The following ATPAF2 variants were observed in gnomAD, a reference collection of about 807,000 sequenced individuals.
The protein encoded by ATPAF2 is ATP12 homolog.
Under a neutral mutation model 36.6 loss-of-function variants are expected in ATPAF2, and 30 were observed. That is an observed-to-expected ratio of 0.82 (90% CI 0.61 to 1.11). ATPAF2 has a LOEUF of 1.11. Among genes scored for constraint, ATPAF2 ranks in the 50% most tolerant of loss-of-function variants. The pLI is 0.00. For missense variants in ATPAF2, 321 were observed against 372.3 expected (o/e 0.86, Z 1.13); for synonymous variants, 140 against 152.6 (o/e 0.92, Z 0.61).
intron 7 of ATPAF2, 138 bp downstream of exon 7, chr17:18,020,985 C>T: frequency 6.9e-7 from 1 of 1,457,274 alleles, no homozygotes; most frequent in Middle Eastern, 2.1e-4. Context: ...TCTGCTGGTC[C>T]TTGATTTTGA....
At chr17:18,027,144 C>G (rs1035444647) in intron 3 of ATPAF2, among the ~76,000 whole-genome samples, 1 of 151,856 alleles carries the variant, frequency 6.6e-6, no homozygotes, top group Non-Finnish European at 1.5e-5. Flanking sequence ...TCGCTTGAAC[C>G]CAGGAGGCAG....
rs781351619 is a variant in ATPAF2, at chr17:18,021,247, A to C, written c.617-9T>G. On this transcript the variant is annotated splice_polypyrimidine_tract_variant and intron_variant, in intron 6 of 7. Coordinates refer to ENST00000474627, the MANE Select transcript of ATPAF2 (RefSeq NM_145691.4). Reference sequence around the variant, plus strand: ...AGCTACAAACTCAATCCCTGCAGGGACACAAGCCAAGTCAGAACCCAAAAC... The same window carrying C: ...AGCTACAAACTCAATCCCTGCAGGGCCACAAGCCAAGTCAGAACCCAAAAC... The C allele has an allele frequency of 3.1e-6, 5 of 1,607,474 alleles. No individual in the cohort carries two copies. The South Asian group carries it at 5.5e-5, about 18-fold the overall frequency.
intron 3 of ATPAF2, 116 bp downstream of exon 3, chr17:18,028,116 G>A: frequency 7.9e-7 from 1 of 1,266,860 alleles, no homozygotes. Flanking sequence ...TGAATCCCTG[G>A]GGGCCAGACA....
In ATPAF2 at chr17:18,028,306, C is replaced by T. The variant is rs373144265; in HGVS notation, c.250G>A (p.Glu84Lys). Residue 84 changes from glutamate to lysine, a missense_variant, in exon 3 of 8, where the codon GAG becomes AAG. By Grantham distance (56) the Glu-to-Lys change is moderately conservative. Coordinates refer to ENST00000474627, the MANE Select transcript of ATPAF2 (RefSeq NM_145691.4). ...GTAGCCACTGCAATGGCCAGGGCCT[C>T]GCTGGGGACGGTAAAGAGCTTGGCT... The part of the protein sequence containing the change: ...PQAKLFTVPS[E>K]ALAIAVATEW... The T allele has an allele frequency of 6.8e-5, 110 of 1,614,038 alleles. No individual in the cohort carries two copies. Among genetic ancestry groups the T allele is most frequent in the Non-Finnish European group, 8.5e-5 (100 of 1,180,028 alleles).
At chr17:18,015,610 G>A, downstream of ATPAF2, 2 of 157,386 alleles carry the variant, frequency 1.3e-5, no homozygotes, top group Admixed American at 6.2e-5. Context: ...ACTGTGGGGT[G>A]AACACCCATG....
At chr17:18,032,103 G>A (rs533486740) in intron 1 of ATPAF2, among the ~76,000 whole-genome samples, 1 of 152,318 alleles carries the variant, frequency 6.6e-6, no homozygotes, top group African/African-American at 2.4e-5. Flanking sequence ...GTTGGGAAGG[G>A]CTCTGAAAGC....
At chr17:18,024,289 G>A (rs529884232) in intron 5 of ATPAF2, among the ~76,000 whole-genome samples, 1 of 152,340 alleles carries the variant, frequency 6.6e-6, no homozygotes, top group East Asian at 1.9e-4. Context: ...GTCTTCAGCA[G>A]AGCTGGGATT....
Position 18,018,356 on chromosome 17 carries a change from C to A in ATPAF2, c.*193G>T. On this transcript the variant is annotated 3_prime_UTR_variant, in exon 8 of 8. Transcript: ENST00000474627. ...CATTCACTGCTGGCCAGGCCAGGGG[C>A]ACCTGGGTTGAAATCAGGCTGACCT... 1 of 691,014 alleles carries A rather than the reference C, an allele frequency of 1.4e-6. No homozygotes were observed. The highest frequency in any genetic ancestry group is 2.7e-5 in the East Asian group (1 of 37,280). The allele number at this position is 691,014 out of a possible 1,614,324, so 42.8% of individuals were successfully genotyped here.
At chr17:18,033,351 G>T (rs926592743) in intron 1 of ATPAF2, among the ~76,000 whole-genome samples, 2 of 143,792 alleles carry the variant, frequency 1.4e-5, no homozygotes, top group Non-Finnish European at 3.0e-5. Flanking sequence ...GACAGAATGA[G>T]ACTCTGTCTC....
chr17:18,028,570 C>CCAA, intron 2 of ATPAF2, 45 bp downstream of exon 2: 1 of 1,350,116 alleles, frequency 7.4e-7, no homozygotes, highest in Non-Finnish European at 1.0e-6. Flanking sequence ...CAACCATTCA[C>CCAA]AAAAAAAAAA....
At chr17:18,027,097 T>C (rs1384086871) in intron 3 of ATPAF2, among the ~76,000 whole-genome samples, 1 of 151,930 alleles carries the variant, frequency 6.6e-6, no homozygotes, top group Non-Finnish European at 1.5e-5. Flanking sequence ...GGTGGACGTC[T>C]GTAATCCCAG....
chr17:18,036,507 C>T (rs890752534), intron 1 of ATPAF2, among the ~76,000 whole-genome samples: 4 of 150,620 alleles, frequency 2.7e-5, no homozygotes, highest in Non-Finnish European at 4.4e-5. Flanking sequence ...ACCCGGGAGG[C>T]GGAGCTTACA....
intron 5 of ATPAF2, among the ~76,000 whole-genome samples, chr17:18,024,214 C>A (rs1297366591): frequency 6.6e-6 from 1 of 152,086 alleles, no homozygotes; most frequent in African/African-American, 2.4e-5. Context: ...GATTATTAGC[C>A]CCATTTATAG....
chr17:18,022,854 G>A (rs945096981), intron 5 of ATPAF2, among the ~76,000 whole-genome samples: 5 of 151,952 alleles, frequency 3.3e-5, no homozygotes, highest in Admixed American at 6.6e-5. Flanking sequence ...GGCCGGGCGC[G>A]GTGGCTCATG....
rs1446864912 is a variant in ATPAF2 at position 18,039,090 on chromosome 17, G to T, written c.-77C>A. 3.3e-6 allele frequency: 5 copies of T among 1,538,206 alleles called. No homozygotes were observed. The highest frequency in any genetic ancestry group is 4.4e-6 in the Non-Finnish European group (5 of 1,140,400). ...ACAGAGCGATGGGATCCCCAAAGCC[G>T]CACGGTCGGGCTGTACGGAAACCTC... On this transcript the variant is annotated 5_prime_UTR_variant, in exon 1 of 8. Transcript: ENST00000474627. This position sits in a 1 kb window ranked among gnomAD's most constrained non-coding sequence, Gnocchi z 5.3.
chr17:18,019,703 G>A (rs776075950), intron 7 of ATPAF2, among the ~76,000 whole-genome samples: 15 of 152,184 alleles, frequency 9.9e-5, no homozygotes, highest in Admixed American at 5.9e-4. Context: ...TGGCCTGGCC[G>A]CCCCAGCTCA....
At chr17:18,024,580 C>T (rs771054611) in intron 5 of ATPAF2, 44 bp downstream of exon 5, 25 of 1,543,126 alleles carry the variant, frequency 1.6e-5, no homozygotes, top group Middle Eastern at 1.7e-4. Flanking sequence ...CTCCACCAAA[C>T]GCAGGTGCCC....
At chr17:18,017,037 T>C (rs183032769), downstream of ATPAF2, 238 of 178,754 alleles carry the variant, frequency 1.3e-3, no homozygotes, top group African/African-American at 5.2e-3. Flanking sequence ...CCAGATGTGG[T>C]AGCGTGCACC....
At chr17:18,023,672 C>T (rs929982375) in intron 5 of ATPAF2, among the ~76,000 whole-genome samples, 21 of 152,228 alleles carry the variant, frequency 1.4e-4, no homozygotes, top group Admixed American at 3.9e-4. Context: ...AGAGCACTGC[C>T]TTTGCCTTCT....
Sources: allele counts gnomAD v4.1 joint callset (sites outside exome capture counted in the v4.1 genomes callset), GRCh38; gene constraint gnomAD v4.1.1; non-coding constraint Gnocchi (gnomAD v3.1); transcripts MANE v1.5; gene names NCBI Gene and HGNC (gene_info 2026-07-23, HGNC 2026-07-21).